The following FERMT2 variants were observed in gnomAD, a reference collection of about 807,000 sequenced individuals.
FERMT2 encodes the protein FERM domain containing kindlin 2.
A neutral mutation model predicts 82.7 loss-of-function variants in FERMT2; 15 were observed. The observed-to-expected ratio is 0.18, with a 90% CI of 0.12 to 0.28. The LOEUF is 0.28. Among genes scored for constraint, FERMT2 ranks in the 10% least tolerant of loss-of-function variants. FERMT2 has a pLI of 1.00. For missense variants in FERMT2, 645 were observed against 809.4 expected (o/e 0.80, Z 2.46); for synonymous variants, 274 against 271.5 (o/e 1.01, Z -0.09).
intron 12 of FERMT2, chr14:52,861,393 C>T (rs929934531): frequency 4.8e-6 from 1 of 210,006 alleles, no homozygotes; most frequent in Non-Finnish European, 9.2e-6. Flanking sequence ...GTACCCAGTT[C>T]TCACCGGTTA....
chr14:52,867,742 T>C (rs1885372715), intron 10 of FERMT2, among the ~76,000 whole-genome samples: 1 of 151,970 alleles, frequency 6.6e-6, no homozygotes, highest in African/African-American at 2.4e-5. Context: ...AACTCATCTT[T>C]CCCCCCAAAC....
intron 2 of FERMT2, chr14:52,948,601 G>T (rs1188539550): frequency 2.2e-6 from 1 of 455,356 alleles, no homozygotes; most frequent in Admixed American, 2.4e-5. Flanking sequence ...AATTAAAAAT[G>T]TATCAGCATT....
chr14:52,925,896 G>A (rs1889239365), intron 2 of FERMT2, among the ~76,000 whole-genome samples: 1 of 152,110 alleles, frequency 6.6e-6, no homozygotes, highest in African/African-American at 2.4e-5. Context: ...CAACCCCCTT[G>A]GCCTCCCAAA....
chr14:52,939,011 C>G (rs1889972684), intron 2 of FERMT2, among the ~76,000 whole-genome samples: 1 of 151,752 alleles, frequency 6.6e-6, no homozygotes, highest in Non-Finnish European at 1.5e-5. Flanking sequence ...TGCAAAGTAG[C>G]ACAATAAACT....
chr14:52,936,608 A>G (rs1889848400), intron 2 of FERMT2, among the ~76,000 whole-genome samples: 1 of 151,406 alleles, frequency 6.6e-6, no homozygotes, highest in Non-Finnish European at 1.5e-5. Flanking sequence ...AACTGGCCAC[A>G]CTCCCTTGCT....
At chr14:52,863,474 G>C (rs190340085) in intron 12 of FERMT2, 94 of 152,248 alleles carry the variant, frequency 6.2e-4, no homozygotes, top group African/African-American at 2.3e-3. Context: ...TTTATGGCAT[G>C]ATGTTGGGGG....
chr14:52,933,316 A>T lies in FERMT2; in HGVS notation c.158-13960T>A, dbSNP rs139145587. ...CATTGCCTTAGTTCAGGTCCCCAAC[A>T]TCTCTACCCTGAATTACTATAACAC... On this transcript the variant is annotated intron_variant, in intron 2 of 14. Transcript: ENST00000341590. 3.8e-3 allele frequency among the ~76,000 whole-genome samples: 581 copies of T among 152,216 alleles called. 2 individuals carry two copies. The highest frequency in any genetic ancestry group is 0.012 in the African/African-American group (512 of 41,520).
chr14:52,896,965 C>T (rs545778844), intron 3 of FERMT2, among the ~76,000 whole-genome samples: 25 of 147,902 alleles, frequency 1.7e-4, no homozygotes, highest in Admixed American at 1.1e-3. Context: ...CTCCAGCCTG[C>T]GTGACAGAGC....
intron 13 of FERMT2, 40 bp from the exon 14 acceptor site, chr14:52,859,754 G>C (rs1022177080): frequency 1.5e-6 from 2 of 1,297,342 alleles, no homozygotes; most frequent in Non-Finnish European, 2.1e-6. Context: ...AACATGTTGT[G>C]GGGGAACATG....
At chr14:52,941,631 T>C (rs544391478) in intron 2 of FERMT2, among the ~76,000 whole-genome samples, 1 of 152,210 alleles carries the variant, frequency 6.6e-6, no homozygotes, top group Non-Finnish European at 1.5e-5. Context: ...ACTGGGCATA[T>C]ATACCAATTT....
At chr14:52,860,249 G>A in intron 13 of FERMT2, 92 bp downstream of exon 13, 1 of 1,066,846 alleles carries the variant, frequency 9.4e-7, no homozygotes, top group Non-Finnish European at 1.4e-6. Flanking sequence ...GTCTACATAG[G>A]TATGCTTTAG....
At chr14:52,876,210 T>C (rs191761417) in intron 7 of FERMT2, among the ~76,000 whole-genome samples, 2 of 152,346 alleles carry the variant, frequency 1.3e-5, no homozygotes, top group African/African-American at 4.8e-5. Context: ...TGAGGCCACT[T>C]ACCAATGTTC....
intron 4 of FERMT2, among the ~76,000 whole-genome samples, chr14:52,886,232 T>C (rs1343402255): frequency 1.3e-5 from 2 of 152,088 alleles, no homozygotes; most frequent in African/African-American, 2.4e-5. Context: ...GGCATTTTCA[T>C]GTACTACTGA....
At chr14:52,950,619 C>T (rs770990917) in intron 1 of FERMT2, 42 bp from the exon 2 acceptor site, 2 of 1,591,630 alleles carry the variant, frequency 1.3e-6, no homozygotes, top group Non-Finnish European at 1.7e-6. Context: ...CGTCACTCCC[C>T]CAAAGAAAGG....
At chr14:52,892,929 C>T (rs1887033535) in intron 4 of FERMT2, among the ~76,000 whole-genome samples, 1 of 152,206 alleles carries the variant, frequency 6.6e-6, no homozygotes, top group African/African-American at 2.4e-5. Flanking sequence ...TAACACCTGA[C>T]ATGATGATTT....
intron 2 of FERMT2, among the ~76,000 whole-genome samples, chr14:52,931,614 G>A (rs1047556854): frequency 1.3e-5 from 2 of 152,212 alleles, no homozygotes; most frequent in Admixed American, 1.3e-4. Context: ...GGAAGGTGAA[G>A]AGGGGAAGCT....
At chr14:52,945,465 G>T (rs1277212818) in intron 2 of FERMT2, among the ~76,000 whole-genome samples, 2 of 151,960 alleles carry the variant, frequency 1.3e-5, no homozygotes, top group Non-Finnish European at 2.9e-5. Context: ...TGTTGGCCAG[G>T]CTGGTCTAGA....
chr14:52,934,933 T>C (rs1229836211), intron 2 of FERMT2, among the ~76,000 whole-genome samples: 2 of 152,202 alleles, frequency 1.3e-5, no homozygotes, highest in South Asian at 2.1e-4. Context: ...CAGATAGACT[T>C]TGAAATAAGT....
chr14:52,925,972 G>C (rs1224315260), intron 2 of FERMT2, among the ~76,000 whole-genome samples: 3 of 152,106 alleles, frequency 2.0e-5, no homozygotes, highest in African/African-American at 7.2e-5. Context: ...AAAGCACTTA[G>C]TTATCTAGTG....
Sources: gnomAD v4.1 joint callset for allele counts (sites outside exome capture counted in the v4.1 genomes callset) on GRCh38, gnomAD v4.1.1 for gene constraint, MANE v1.5 for transcripts, NCBI Gene and HGNC (gene_info 2026-07-23, HGNC 2026-07-21) for gene names.